OBSL1: variants seen among roughly 807,000 people sequenced by gnomAD.
The protein encoded by OBSL1 is obscurin-like protein 1.
Under a neutral mutation model 172.0 loss-of-function variants are expected in OBSL1, and 160 were observed. That is an observed-to-expected ratio of 0.93 (90% CI 0.82 to 1.06). The LOEUF is 1.06. Ranked by LOEUF, OBSL1 falls within the 50% of genes least tolerant of loss-of-function variation. The probability of loss-of-function intolerance (pLI) is 0.00; values close to 1 mark genes in which losing one functional copy is unlikely to be tolerated. For synonymous variants in OBSL1, 1,200 were observed against 1,196.3 expected, an observed-to-expected ratio of 1.00 and a Z score of -0.06; for missense variants, 2,681 against 2,715.4, an observed-to-expected ratio of 0.99 and a Z score of 0.28.
In OBSL1 at chr2:219,556,043, G is replaced by T; in HGVS notation, c.4586C>A (p.Thr1529Asn). Residue 1529 changes from threonine (T) to asparagine (N), a missense_variant, in exon 14 of 21, where the codon ACC becomes AAC. This residue lies in a region of OBSL1 where 1,765 missense variants were observed against 1,748.3 expected (regional missense o/e 1.01). Transcript: ENST00000404537. ...TYGCESHHDR[T>N]LARLSVRPRQ... The stretch of plus-strand genomic sequence containing the variant: ...ACGCCTCACGCTGAGCCTGGCCAGG[G>T]TGCGATCGTGGTGGCTCTCGCAGCC... 3 of 1,613,658 alleles carry T rather than the reference G, an allele frequency of 1.9e-6. No individual in the cohort carries two copies. The highest frequency in any genetic ancestry group is 2.5e-6 in the Non-Finnish European group (3 of 1,179,900).
Position 219,570,355 on chromosome 2 carries a change from A to G in OBSL1, c.878T>C (p.Leu293Pro). 6.2e-7 allele frequency: 1 copy of G among 1,612,868 alleles called. No homozygotes were observed. The highest frequency in any genetic ancestry group is 8.5e-7 in the Non-Finnish European group (1 of 1,179,516). Residue 293 changes from leucine (L) to proline (P), a missense_variant, in exon 1 of 21, where the codon CTC (leucine) becomes CCC (proline). By Grantham distance (98) the Leu-to-Pro change is moderately conservative (BLOSUM62 -3). Around this residue, in one of 5 missense-constraint regions of OBSL1, gnomAD observed 706 missense variants for 695.8 expected, o/e 1.01. Transcript: ENST00000404537. ...GRPLLPDRRR[L>P]MYRDRDGGFV... ...GCCGCCGTCGCGGTCGCGGTACATGAGGCGGCGGCGGTCCGGGAGCAGCGG... is the reference window on the plus strand; with the variant it reads ...GCCGCCGTCGCGGTCGCGGTACATGGGGCGGCGGCGGTCCGGGAGCAGCGG...
intron 8 of OBSL1, 103 bp from the exon 9 acceptor site, chr2:219,559,600 A>AAT (rs1696312475): frequency 1.0e-6 from 1 of 997,776 alleles, no homozygotes; most frequent in Admixed American, 2.3e-5. Flanking sequence ...TAATGAGAAT[A>AAT]ATAAGTAAAA....
At chr2:219,551,056 TG>T (rs1459703099) in intron 20 of OBSL1, 8 of 1,430,372 alleles carry the variant, frequency 5.6e-6, no homozygotes, top group Non-Finnish European at 7.3e-6. Flanking sequence ...TGCTGGGATT[TG>T]GGATAGAAGG....
rs377322292 is a variant in OBSL1, at chr2:219,558,260, G to A, written c.3426C>T (p.His1142=). The part of the protein sequence containing the change: ...EGPTRTLTLP[H]AQPEDAGEYV... ...ACTCCCCGGCGTCCTCAGGCTGGGC[G>A]TGGGGCAGGGTCAGGGTGCGGGTGG... The change falls in exon 10 of 21, where the codon CAC becomes CAT. Residue 1142 remains histidine (H), a synonymous_variant. Coordinates refer to ENST00000404537, the MANE Select transcript of OBSL1 (RefSeq NM_015311.3). 284 of 1,610,594 alleles carry A rather than the reference G, an allele frequency of 1.8e-4. No homozygotes were observed. The highest frequency in any genetic ancestry group is 2.0e-4 in the Non-Finnish European group (239 of 1,178,590).
At position 219,554,681 on chromosome 2, in the gene OBSL1, C is replaced by A; in HGVS notation, c.4669G>T (p.Ala1557Ser). The A allele has an allele frequency of 6.3e-7, 1 of 1,593,602 alleles. No homozygotes were observed. Among genetic ancestry groups the A allele is most frequent in the East Asian group, 2.3e-5 (1 of 43,618 alleles). The change falls in exon 15 of 21, where the codon GCC becomes TCC. Residue 1557 changes from alanine (A) to serine (S), a missense_variant. Coordinates refer to ENST00000404537, the MANE Select transcript of OBSL1 (RefSeq NM_015311.3). The stretch of plus-strand genomic sequence containing the variant: ...TGGGACAGCTCCAGCTGGAAGGTGG[C>A]ACTGCCCCCCTCACTGATGGTCACG... ...EDVTISEGGS[A>S]TFQLELSQEG...
intron 17 of OBSL1, 51 bp downstream of exon 17, chr2:219,552,817 C>A: frequency 6.5e-7 from 1 of 1,534,940 alleles, no homozygotes; most frequent in Non-Finnish European, 8.8e-7. Context: ...GACAGCTCCG[C>A]AAGTCTCGCG....
rs570310608 is a variant in OBSL1, at chr2:219,559,641, G to A, written c.2954-144C>T. The A allele has an allele frequency of 1.4e-5, 10 of 726,146 alleles. No individual in the cohort carries two copies. In the African/African-American group the frequency reaches 1.8e-4, roughly 13 times the overall value. The allele number at this position is 726,146 out of a possible 1,614,324, so 45.0% of individuals were successfully genotyped here. A position where few individuals can be genotyped will look rare whatever the true frequency, so the allele number is the denominator to read the frequency against. ...ATAAGCAATAATAGGTCCACAGTTT[G>A]TTCTCTGAAATCCCTGGGGCCAGAG... On this transcript the variant is annotated intron_variant, in intron 8 of 20. Coordinates refer to ENST00000404537, the MANE Select transcript of OBSL1 (RefSeq NM_015311.3).
chr2:219,553,685 C>T lies in OBSL1; in HGVS notation c.4878G>A (p.Glu1626=), dbSNP rs1162840599. Residue 1626 remains glutamate, a splice_region_variant and synonymous_variant, in exon 16 of 21, where the codon GAG becomes GAA. Transcript: ENST00000404537. The part of the protein sequence containing the change: ...LRCAARLIVR[E]VPVTIVRGPH... ...GCCCCCGCACGATGGTCACTGGGAC[C>T]TCTGGGGGTGGGAGAGGGAGGACAG... The T allele has an allele frequency of 6.2e-7, 1 of 1,611,700 alleles. No individual in the cohort carries two copies. Among genetic ancestry groups the T allele is most frequent in the Non-Finnish European group, 8.5e-7 (1 of 1,178,326 alleles).
chr2:219,557,628 C>G lies in OBSL1; in HGVS notation c.3791-10G>C. 1 of 1,529,942 alleles carries G rather than the reference C, an allele frequency of 6.5e-7. No homozygotes were observed. Among genetic ancestry groups the G allele is most frequent in the Non-Finnish European group, 8.8e-7 (1 of 1,135,558 alleles). The allele number at this position is 1,529,942 out of a possible 1,614,324, so 94.8% of individuals were successfully genotyped here. On this transcript the variant is annotated splice_polypyrimidine_tract_variant and intron_variant, in intron 11 of 20. Transcript: ENST00000404537. Reference sequence around the variant, plus strand: ...ACCCGCACAGGGGGCTCTGTGGAGTCAGAGCTGGAGGTCACTGGGAGGGAG... The same window carrying G: ...ACCCGCACAGGGGGCTCTGTGGAGTGAGAGCTGGAGGTCACTGGGAGGGAG...
Position 219,558,363 on chromosome 2 carries a change from G to A in OBSL1, c.3323C>T (p.Ala1108Val). The part of the protein sequence containing the change: ...RVELRCEVAP[A>V]GSQVRWYKDG... ...CTTGTACCAGCGCACCTGAGACCCAGCTGGGGCCACCTCACAGCGCAGCTC... is the reference window on the plus strand; with the variant it reads ...CTTGTACCAGCGCACCTGAGACCCAACTGGGGCCACCTCACAGCGCAGCTC... The change falls in exon 10 of 21, where the codon GCT becomes GTT. Residue 1108 changes from alanine (A) to valine (V), a missense_variant. Ala to Val is a moderately conservative substitution (Grantham distance 64). Coordinates refer to ENST00000404537, the MANE Select transcript of OBSL1 (RefSeq NM_015311.3). 5 of 1,611,882 alleles carry A rather than the reference G, an allele frequency of 3.1e-6. No individual in the cohort carries two copies. Among genetic ancestry groups the A allele is most frequent in the South Asian group, 1.1e-5 (1 of 90,788 alleles).
At chr2:219,547,570 C>T, downstream of OBSL1, 1 of 1,469,006 alleles carries the variant, frequency 6.8e-7, no homozygotes, top group Non-Finnish European at 9.0e-7. Flanking sequence ...TGGTCATCTT[C>T]CTCCTCTGCT....
intron 7 of OBSL1, 113 bp downstream of exon 7, chr2:219,563,242 G>C (rs73089113): frequency 0.03 from 32,974 of 1,116,956 alleles, 579 homozygotes; most frequent in African/African-American, 0.044. Context: ...GATCTGCCAG[G>C]GGGAGGGCAG....
chr2:219,557,459 A>C lies in OBSL1; in HGVS notation c.3950T>G (p.Leu1317Arg), dbSNP rs115283876. 12 of 1,548,548 alleles carry C rather than the reference A, an allele frequency of 7.7e-6. No individual in the cohort carries two copies. In the Admixed American group the frequency reaches 1.4e-4, roughly 18 times the overall value. The part of the protein sequence containing the change: ...ERLASQGRVQ[L>R]EQAGARQVLR... ...CACCTGCCTGGCCCCGGCCTGCTCC[A>C]GCTGCACCCGCCCCTGGCTTGCCAG... The change falls in exon 12 of 21, where the codon CTG (leucine) becomes CGG (arginine). Residue 1317 changes from leucine to arginine, a missense_variant. Coordinates refer to ENST00000404537, the MANE Select transcript of OBSL1 (RefSeq NM_015311.3).
In OBSL1 at chr2:219,551,714, GACACAGTCACCTCCAGCACC is replaced by G. The variant is rs1559131356; in HGVS notation, c.5478_5497del (p.Val1827ProfsTer20). 1 of 1,610,192 alleles carries G rather than the reference GACACAGTCACCTCCAGCACC, an allele frequency of 6.2e-7. No homozygotes were observed. The highest frequency in any genetic ancestry group is 8.5e-7 in the Non-Finnish European group (1 of 1,178,860). ...CCAGCACACGTGGCCCCCCGAGCGG[GACACAGTCACCTCCAGCACC>G]GCCCGGCGGCCCACCAGAACGGTCT... On this transcript the variant is annotated frameshift_variant, in exon 20 of 21. Coordinates refer to ENST00000404537, the MANE Select transcript of OBSL1 (RefSeq NM_015311.3). LOFTEE classifies it high-confidence loss of function.
At chr2:219,551,876 G>T in intron 19 of OBSL1, 78 bp from the exon 20 acceptor site, 2 of 962,056 alleles carry the variant, frequency 2.1e-6, no homozygotes, top group Non-Finnish European at 1.6e-6. Context: ...TTCCCTCCCT[G>T]AAGTCTCCAC....
intron 18 of OBSL1, 140 bp from the exon 19 acceptor site, chr2:219,552,356 G>C (rs946618799): frequency 1.1e-5 from 10 of 917,354 alleles, no homozygotes; most frequent in South Asian, 1.6e-5. Flanking sequence ...GATGCGGAGC[G>C]GGAAGCCTAG....
chr2:219,547,878 G>T, downstream of OBSL1: 1 of 1,596,162 alleles, frequency 6.3e-7, no homozygotes, highest in Non-Finnish European at 8.5e-7. Context: ...GCCGTGACTG[G>T]TGCTGCGCTG....
chr2:219,566,787 G>A, intron 5 of OBSL1, 43 bp downstream of exon 5: 1 of 1,524,568 alleles, frequency 6.6e-7, no homozygotes, highest in Non-Finnish European at 8.8e-7. Flanking sequence ...GGACTTCTGT[G>A]TCTTGACCCT....
intron 11 of OBSL1, 21 bp from the exon 12 acceptor site, chr2:219,557,639 G>A (rs372444554): frequency 6.6e-7 from 1 of 1,518,648 alleles, no homozygotes; most frequent in Non-Finnish European, 8.8e-7. Flanking sequence ...AGAGCTGGAG[G>A]TCACTGGGAG....
Sources: gnomAD v4.1 joint callset for allele counts on GRCh38, gnomAD v4.1.1 for gene constraint, gnomAD v4.1.1 regional missense constraint, MANE v1.5 for transcripts, NCBI Gene and HGNC (gene_info 2026-07-23, HGNC 2026-07-21) for gene names.